ADGRF5: variants seen among roughly 807,000 people sequenced by gnomAD.
ADGRF5 encodes adhesion G protein-coupled receptor F5.
A neutral mutation model predicts 132.3 loss-of-function variants in ADGRF5; 75 were observed. The observed-to-expected ratio is 0.57, with a 90% CI of 0.47 to 0.69. The LOEUF (loss-of-function observed/expected upper bound fraction) is 0.69, where lower values mean the gene tolerates loss of function less well. Among genes scored for constraint, ADGRF5 ranks in the 30% least tolerant of loss-of-function variants. The pLI is 0.00. For missense variants in ADGRF5, 1,516 were observed against 1,630.6 expected, an observed-to-expected ratio of 0.93 and a Z score of 1.21; for synonymous variants, 629 against 597.6, an observed-to-expected ratio of 1.05 and a Z score of -0.77.
chr6:46,890,795 G>T (rs1020052585), intron 3 of ADGRF5, among the ~76,000 whole-genome samples: 1 of 152,138 alleles, frequency 6.6e-6, no homozygotes, highest in Non-Finnish European at 1.5e-5. Flanking sequence ...TATCTGAAAA[G>T]ATGAAGTTTA....
rs949991237 is a variant in ADGRF5, at chr6:46,866,986, G to A, written c.1773C>T (p.Cys591=). ...CTTTGTAGTCTCCATCCTCCTCTAT[G>A]CAGCACTTGATGTGATGGGAACCAC... The part of the protein sequence containing the change: ...SCSGSHHIKC[C]IEEDGDYKVT... Residue 591 remains cysteine, a synonymous_variant, in exon 13 of 21, where the codon TGC becomes TGT. Coordinates refer to ENST00000283296, the MANE Select transcript of ADGRF5 (RefSeq NM_001098518.2). 12 of 1,613,732 alleles carry A rather than the reference G, an allele frequency of 7.4e-6. No individual in the cohort carries two copies. Among genetic ancestry groups the A allele is most frequent in the Non-Finnish European group, 1.0e-5 (12 of 1,179,726 alleles).
intron 4 of ADGRF5, chr6:46,886,578 T>G (rs1773090153): frequency 6.6e-6 from 1 of 152,228 alleles, no homozygotes; most frequent in Non-Finnish European, 1.5e-5. Context: ...ATCCCAGGTA[T>G]TGTTCGGTGC....
At chr6:46,861,410 C>T (rs141658274) in intron 15 of ADGRF5, among the ~76,000 whole-genome samples, 1 of 152,278 alleles carries the variant, frequency 6.6e-6, no homozygotes, top group African/African-American at 2.4e-5. Flanking sequence ...GGTCACCCTA[C>T]CTGTATGATT....
intron 1 of ADGRF5, among the ~76,000 whole-genome samples, chr6:46,949,233 T>TCTCAAAG (rs1561844105): frequency 6.6e-6 from 1 of 152,178 alleles, no homozygotes; most frequent in Non-Finnish European, 1.5e-5. Context: ...TCCCCCAGGA[T>TCTCAAAG]CTCAAAGTGA....
chr6:46,873,366 C>T (rs1198829543), intron 10 of ADGRF5, among the ~76,000 whole-genome samples: 1 of 152,148 alleles, frequency 6.6e-6, no homozygotes. Flanking sequence ...CTCTCCTCTA[C>T]CGAAAGTGTT....
intron 2 of ADGRF5, among the ~76,000 whole-genome samples, chr6:46,902,345 C>T (rs944246668): frequency 5.9e-5 from 9 of 152,200 alleles, no homozygotes; most frequent in Non-Finnish European, 1.2e-4. Context: ...AGAACTTGAC[C>T]GCCAATGGTC....
At chr6:46,871,609 C>T (rs550387236) in intron 11 of ADGRF5, among the ~76,000 whole-genome samples, 1 of 152,244 alleles carries the variant, frequency 6.6e-6, no homozygotes, top group South Asian at 2.1e-4. Flanking sequence ...GGGTTCCTTC[C>T]TGGGAACCAC....
At chr6:46,874,535 A>G (rs1771430621) in intron 10 of ADGRF5, among the ~76,000 whole-genome samples, 2 of 152,220 alleles carry the variant, frequency 1.3e-5, no homozygotes, top group South Asian at 4.1e-4. Flanking sequence ...TTGAGAGATT[A>G]GGGAAGATTT....
intron 3 of ADGRF5, among the ~76,000 whole-genome samples, chr6:46,897,097 C>T (rs953032334): frequency 2.6e-5 from 4 of 151,394 alleles, no homozygotes; most frequent in Non-Finnish European, 5.9e-5. Flanking sequence ...CACACACACA[C>T]TCATATACAT....
chr6:46,895,217 C>G (rs1028623213), intron 3 of ADGRF5, among the ~76,000 whole-genome samples: 1 of 151,968 alleles, frequency 6.6e-6, no homozygotes, highest in African/African-American at 2.4e-5. Context: ...TCAGGCTTCA[C>G]CTTTGGTATA....
chr6:46,943,186 A>G (rs1373327247), intron 1 of ADGRF5, among the ~76,000 whole-genome samples: 2 of 152,146 alleles, frequency 1.3e-5, no homozygotes, highest in Non-Finnish European at 2.9e-5. Context: ...CTGCTAAAGT[A>G]AGTAAGGAGA....
Position 46,879,908 on chromosome 6 carries a change from T to A in ADGRF5, c.946A>T (p.Ser316Cys). ...YEEQQLEIQN[S>C]SRFSIYTALF... Reference sequence around the variant, plus strand: ...GCGGTGTAAATCGAGAATCTGCTGCTGTTCTGGATTTCCAACTGCTGTTCT... The same window carrying A: ...GCGGTGTAAATCGAGAATCTGCTGCAGTTCTGGATTTCCAACTGCTGTTCT... Residue 316 changes from serine (S) to cysteine (C), a missense_variant, in exon 9 of 21, where the codon AGC becomes TGC. Physicochemically the swap from Ser to Cys is moderately radical, Grantham distance 112. Coordinates refer to ENST00000283296, the MANE Select transcript of ADGRF5 (RefSeq NM_001098518.2). 6.2e-7 allele frequency: 1 copy of A among 1,614,074 alleles called. No homozygotes were observed. Among genetic ancestry groups the A allele is most frequent in the Non-Finnish European group, 8.5e-7 (1 of 1,179,890 alleles).
At chr6:46,942,887 C>G (rs1328676896) in intron 1 of ADGRF5, among the ~76,000 whole-genome samples, 1 of 152,098 alleles carries the variant, frequency 6.6e-6, no homozygotes, top group East Asian at 1.9e-4. Flanking sequence ...TGCATGCACT[C>G]ATGCATGCGT....
At chr6:46,869,134 A>G (rs1770775395) in intron 11 of ADGRF5, 42 bp from the exon 12 acceptor site, 3 of 1,587,070 alleles carry the variant, frequency 1.9e-6, no homozygotes, top group Non-Finnish European at 2.6e-6. Context: ...AAAACTGACA[A>G]GTTCAATGTG....
At chr6:46,872,096 A>G (rs747559519) in intron 10 of ADGRF5, 83 bp from the exon 11 acceptor site, 7 of 950,736 alleles carry the variant, frequency 7.4e-6, no homozygotes, top group Non-Finnish European at 9.3e-6. Context: ...TTTTTTTTTC[A>G]TAAAAGGAGT....
chr6:46,897,903 T>C (rs538046801), intron 3 of ADGRF5, among the ~76,000 whole-genome samples: 5 of 152,222 alleles, frequency 3.3e-5, no homozygotes, highest in Admixed American at 1.3e-4. Flanking sequence ...GGTTTTTCTA[T>C]GGCCATTTCT....
chr6:46,941,914 C>A (rs1271947041), intron 1 of ADGRF5, among the ~76,000 whole-genome samples: 2 of 152,194 alleles, frequency 1.3e-5, no homozygotes, highest in Non-Finnish European at 1.5e-5. Flanking sequence ...TATTGAGGTA[C>A]AACTGACAAA....
chr6:46,953,174 T>A lies in ADGRF5; in HGVS notation c.-25+1560A>T, dbSNP rs546314115. Among the ~76,000 whole-genome samples, 5 of 152,312 alleles carry A rather than the reference T, an allele frequency of 3.3e-5. No individual in the cohort carries two copies. In the South Asian group the frequency reaches 1.0e-3, roughly 32 times the overall value. On this transcript the variant is annotated intron_variant, in intron 1 of 20. Transcript: ENST00000265417. The stretch of plus-strand genomic sequence containing the variant: ...TGCTTCTCAAACTTTAATGTGCATA[T>A]GCATCACCCAGGGATTAAAATGCAG...
rs147076717 is a variant in ADGRF5, at chr6:46,859,489, T to C, written c.2414A>G (p.Lys805Arg). ...VLSTVNVILG[K>R]PVLNTWKVLQ... Reference sequence around the variant, plus strand: ...AACCTTCCAGGTGTTCAAGACGGGCTTGCCAAGGATGACATTAACCGTAGA... The same window carrying C: ...AACCTTCCAGGTGTTCAAGACGGGCCTGCCAAGGATGACATTAACCGTAGA... The change falls in exon 17 of 21, where the codon AAG becomes AGG. Residue 805 changes from lysine to arginine, a missense_variant. Physicochemically the swap from Lys to Arg is conservative, Grantham distance 26. This residue lies in a region of ADGRF5 where 571 missense variants were observed against 701.2 expected (regional missense o/e 0.81). Coordinates refer to ENST00000283296, the MANE Select transcript of ADGRF5 (RefSeq NM_001098518.2). The C allele has an allele frequency of 6.2e-7, 1 of 1,613,148 alleles. No individual in the cohort carries two copies. The highest frequency in any genetic ancestry group is 1.7e-5 in the Admixed American group (1 of 60,000).
Sources: gnomAD v4.1 joint callset for allele counts (sites outside exome capture counted in the v4.1 genomes callset) on GRCh38, gnomAD v4.1.1 for gene constraint, gnomAD v4.1.1 regional missense constraint, MANE v1.5 for transcripts, NCBI Gene and HGNC (gene_info 2026-07-23, HGNC 2026-07-21) for gene names.